Variants in TWIST2 observed in about 807,000 individuals in gnomAD.
TWIST2 encodes twist family bHLH transcription factor 2, also known as twist-related protein 2.
A neutral mutation model predicts 11.6 loss-of-function variants in TWIST2; 1 was observed. The ratio of observed to expected loss-of-function variants is 0.09; its 90% CI spans 0.03 to 0.41. The LOEUF is 0.41. TWIST2 is among the 10% of genes least tolerant of loss of function. The probability of loss-of-function intolerance (pLI) is 0.98; values close to 1 mark genes in which losing one functional copy is unlikely to be tolerated. For missense variants in TWIST2, 168 were observed against 226.4 expected, an observed-to-expected ratio of 0.74 and a Z score of 1.66; for synonymous variants, 87 against 96.6, an observed-to-expected ratio of 0.90 and a Z score of 0.58.
intron 1 of TWIST2, among the ~76,000 whole-genome samples, chr2:238,855,818 T>A (rs1204388897): frequency 1.3e-5 from 2 of 152,194 alleles, no homozygotes; most frequent in Non-Finnish European, 2.9e-5. Flanking sequence ...AAAGGTCATC[T>A]AGGGGCTCCC....
chr2:238,849,650 C>G (rs938641286), intron 1 of TWIST2, among the ~76,000 whole-genome samples: 18 of 152,212 alleles, frequency 1.2e-4, no homozygotes, highest in African/African-American at 4.3e-4. Flanking sequence ...GCGCCGGGCC[C>G]TGCGCGAGGA....
chr2:238,850,357 A>G (rs1692221950), intron 1 of TWIST2, among the ~76,000 whole-genome samples: 1 of 152,206 alleles, frequency 6.6e-6, no homozygotes. Flanking sequence ...TTTGCTGCCT[A>G]AATAATGAGC....
At chr2:238,906,937 C>T (rs1413772561) in intron 1 of TWIST2, among the ~76,000 whole-genome samples, 1 of 152,252 alleles carries the variant, frequency 6.6e-6, no homozygotes. Flanking sequence ...ACACTCACCT[C>T]CCGCGAGCTC....
At chr2:238,874,573 C>G (rs1277942121) in intron 1 of TWIST2, among the ~76,000 whole-genome samples, 5 of 152,192 alleles carry the variant, frequency 3.3e-5, no homozygotes, top group Non-Finnish European at 7.3e-5. Flanking sequence ...CTGCACCAGC[C>G]CCACCTCCTG....
At chr2:238,901,655 G>A (rs1693269946) in intron 1 of TWIST2, among the ~76,000 whole-genome samples, 1 of 152,182 alleles carries the variant, frequency 6.6e-6, no homozygotes, top group Admixed American at 6.5e-5. Context: ...GACTCGGGGT[G>A]GCTGAGGTGG....
chr2:238,892,322 C>CT lies in TWIST2; in HGVS notation c.*36-17520_*36-17519insT, dbSNP rs1433691227. The stretch of plus-strand genomic sequence containing the variant: ...GGGGGCCCTGGCCTGGGAGCACGTG[C>CT]GCTGCACCACGTGTTACCCGTGAGA... On this transcript the variant is annotated intron_variant, in intron 1 of 1. Transcript: ENST00000612363. Among the ~76,000 whole-genome samples the CT allele has an allele frequency of 2.0e-5, 3 of 152,210 alleles. No individual in the cohort carries two copies. In the East Asian group the frequency reaches 5.8e-4, roughly 29 times the overall value.
At chr2:238,881,660 G>GGGCTA (rs1357091042) in intron 1 of TWIST2, among the ~76,000 whole-genome samples, 1 of 152,098 alleles carries the variant, frequency 6.6e-6, no homozygotes, top group African/African-American at 2.4e-5. Context: ...AGTTCTGGCT[G>GGGCTA]GGCTGGGCTG....
chr2:238,884,056 C>T (rs1692987948), intron 1 of TWIST2, among the ~76,000 whole-genome samples: 2 of 152,222 alleles, frequency 1.3e-5, no homozygotes, highest in Admixed American at 1.3e-4. Flanking sequence ...ATTCTTCCAG[C>T]CTTCCTCCCT....
At chr2:238,905,950 C>CGTGCGT (rs1693344990) in intron 1 of TWIST2, among the ~76,000 whole-genome samples, 2 of 119,460 alleles carry the variant, frequency 1.7e-5, no homozygotes, top group African/African-American at 6.4e-5. Flanking sequence ...TGTGCGCGCG[C>CGTGCGT]GTGTGTACGT....
At chr2:238,885,081 T>C (rs761646847) in intron 1 of TWIST2, among the ~76,000 whole-genome samples, 3 of 152,308 alleles carry the variant, frequency 2.0e-5, no homozygotes, top group South Asian at 2.1e-4. Context: ...CTGCACCTTC[T>C]CATGCCTCTC....
intron 1 of TWIST2, among the ~76,000 whole-genome samples, chr2:238,880,906 T>C (rs1308882480): frequency 9.9e-6 from 1 of 100,812 alleles, no homozygotes; most frequent in Non-Finnish European, 1.9e-5. Flanking sequence ...TTATTATTAG[T>C]GTTAGTGTCA....
chr2:238,897,733 G>A (rs1371181385), intron 1 of TWIST2, among the ~76,000 whole-genome samples: 2 of 152,270 alleles, frequency 1.3e-5, no homozygotes, highest in Non-Finnish European at 2.9e-5. Context: ...CTGGGGAGAA[G>A]GCTCTGGGGT....
intron 1 of TWIST2, among the ~76,000 whole-genome samples, chr2:238,882,876 C>A (rs541787290): frequency 6.6e-6 from 1 of 152,240 alleles, no homozygotes; most frequent in South Asian, 2.1e-4. Context: ...GAAGCTGGGG[C>A]AGTCAGAGCT....
chr2:238,870,546 C>T (rs1692656325), intron 1 of TWIST2, among the ~76,000 whole-genome samples: 1 of 137,216 alleles, frequency 7.3e-6, no homozygotes, highest in African/African-American at 2.8e-5. Context: ...ACATACCCCA[C>T]ACACCCCACA....
intron 1 of TWIST2, among the ~76,000 whole-genome samples, chr2:238,895,690 G>A (rs1182710896): frequency 2.0e-5 from 3 of 152,342 alleles, no homozygotes; most frequent in East Asian, 1.9e-4. Context: ...GAGGAAGAGG[G>A]TGGGGTAGAT....
At chr2:238,852,107 C>T (rs1000318124) in intron 1 of TWIST2, among the ~76,000 whole-genome samples, 2 of 151,776 alleles carry the variant, frequency 1.3e-5, no homozygotes, top group South Asian at 2.1e-4. Context: ...GCACAGATGC[C>T]GGATTCCTTT....
intron 1 of TWIST2, among the ~76,000 whole-genome samples, chr2:238,875,746 T>C (rs566250690): frequency 5.7e-4 from 87 of 152,202 alleles, no homozygotes; most frequent in Non-Finnish European, 1.1e-3. Context: ...CTGGGGGTCA[T>C]GAGTCTCTTC....
intron 1 of TWIST2, among the ~76,000 whole-genome samples, chr2:238,887,746 C>T (rs1693067254): frequency 6.6e-6 from 1 of 152,192 alleles, no homozygotes; most frequent in Admixed American, 6.5e-5. Context: ...CTGAAGAGGC[C>T]ACAGGTTCTC....
intron 1 of TWIST2, among the ~76,000 whole-genome samples, chr2:238,895,663 C>T (rs1448153938): frequency 6.6e-6 from 1 of 152,136 alleles, no homozygotes; most frequent in Non-Finnish European, 1.5e-5. Flanking sequence ...CGTGGGGAAA[C>T]GGGAAGGTCT....
Sources: gnomAD v4.1 joint callset for allele counts (sites outside exome capture counted in the v4.1 genomes callset) on GRCh38, gnomAD v4.1.1 for gene constraint, MANE v1.5 for transcripts, NCBI Gene and HGNC (gene_info 2026-07-23, HGNC 2026-07-21) for gene names.